The following PDLIM1 variants were observed in gnomAD, a reference collection of about 807,000 sequenced individuals.
PDLIM1 encodes PDZ and LIM domain 1.
Under a neutral mutation model 35.2 loss-of-function variants are expected in PDLIM1, and 25 were observed. That is an observed-to-expected ratio of 0.71 (90% CI 0.52 to 0.99). The LOEUF (loss-of-function observed/expected upper bound fraction) is 0.99, where lower values mean the gene tolerates loss of function less well. Ranked by LOEUF, PDLIM1 falls within the 50% of genes least tolerant of loss-of-function variation. The pLI, the probability that PDLIM1 is intolerant of heterozygous loss-of-function variation, is 0.00. For missense variants in PDLIM1, 363 were observed against 415.3 expected, an observed-to-expected ratio of 0.87 and a Z score of 1.09; for synonymous variants, 152 against 154.0, an observed-to-expected ratio of 0.99 and a Z score of 0.10.
chr10:95,283,101 T>A (rs150191078), intron 1 of PDLIM1, among the ~76,000 whole-genome samples: 28 of 152,334 alleles, frequency 1.8e-4, no homozygotes, highest in African/African-American at 6.5e-4. Context: ...ATTTATCAAA[T>A]GAAATTTATA....
intron 4 of PDLIM1, among the ~76,000 whole-genome samples, chr10:95,255,260 G>C (rs2035300929): frequency 6.9e-6 from 1 of 145,364 alleles, no homozygotes; most frequent in African/African-American, 2.5e-5. Context: ...AAAAACTGAA[G>C]AGAGAATGCT....
At chr10:95,243,400 GA>G (rs911080232) in intron 5 of PDLIM1, among the ~76,000 whole-genome samples, 2 of 151,994 alleles carry the variant, frequency 1.3e-5, no homozygotes, top group African/African-American at 4.8e-5. Context: ...AATATTTCTG[GA>G]AAAAAAGTGA....
At chr10:95,285,754 C>T (rs2035596721) in intron 1 of PDLIM1, among the ~76,000 whole-genome samples, 1 of 152,184 alleles carries the variant, frequency 6.6e-6, no homozygotes, top group South Asian at 2.1e-4. Context: ...TTAAGGTCTC[C>T]AAGCCTCAGT....
At chr10:95,287,291 C>G (rs2035611245) in intron 1 of PDLIM1, among the ~76,000 whole-genome samples, 2 of 152,148 alleles carry the variant, frequency 1.3e-5, no homozygotes, top group African/African-American at 2.4e-5. Context: ...ACAGACAAAC[C>G]CTTCTCTTTC....
intron 4 of PDLIM1, among the ~76,000 whole-genome samples, chr10:95,253,930 A>G (rs1247770504): frequency 4.6e-5 from 7 of 152,222 alleles, no homozygotes; most frequent in Admixed American, 1.3e-4. Context: ...GTAAACTGTG[A>G]TAAGTTATAT....
chr10:95,260,673 C>T (rs1417285494), intron 4 of PDLIM1, among the ~76,000 whole-genome samples: 1 of 152,226 alleles, frequency 6.6e-6, no homozygotes, highest in Non-Finnish European at 1.5e-5. Flanking sequence ...GCAACAGACA[C>T]ACCACAATAC....
At chr10:95,251,059 T>C (rs1460900597) in intron 4 of PDLIM1, among the ~76,000 whole-genome samples, 2 of 151,926 alleles carry the variant, frequency 1.3e-5, no homozygotes, top group African/African-American at 4.8e-5. Flanking sequence ...CTGCAGACCT[T>C]ATGTGTTTCT....
chr10:95,252,050 C>T (rs894098469), intron 4 of PDLIM1, among the ~76,000 whole-genome samples: 2 of 152,180 alleles, frequency 1.3e-5, no homozygotes, highest in African/African-American at 4.8e-5. Context: ...CACTATTCTC[C>T]AGCCAAATGC....
intron 4 of PDLIM1, among the ~76,000 whole-genome samples, chr10:95,258,244 C>T (rs2035333314): frequency 6.6e-6 from 1 of 150,966 alleles, no homozygotes; most frequent in South Asian, 2.1e-4. Flanking sequence ...TCGGCGGGGA[C>T]ACAGACAAAC....
chr10:95,278,017 T>C (rs2035527996), intron 1 of PDLIM1, among the ~76,000 whole-genome samples: 1 of 152,148 alleles, frequency 6.6e-6, no homozygotes, highest in African/African-American at 2.4e-5. Flanking sequence ...CCATGACAAA[T>C]AAAAAGATAA....
intron 4 of PDLIM1, among the ~76,000 whole-genome samples, chr10:95,255,900 T>TACACACACACACACACAC (rs59292355): frequency 6.5e-5 from 9 of 138,880 alleles, no homozygotes; most frequent in Non-Finnish European, 1.1e-4. Context: ...CCCCCCCCAC[T>TACACACACACACACACAC]ACACACACAC....
rs185028301 is a variant in PDLIM1, at chr10:95,270,653, C to A, written c.248+980G>T. Among the ~76,000 whole-genome samples, 233 of 152,316 alleles carry A rather than the reference C, an allele frequency of 1.5e-3. 1 individual carries two copies. Among genetic ancestry groups the A allele is most frequent in the African/African-American group, 5.1e-3 (211 of 41,568 alleles). On this transcript the variant is annotated intron_variant, in intron 2 of 6. Transcript: ENST00000329399. ...CTTGTCATGTACCTAAAGTTACACT[C>A]AGTACTCTGCTGCTAATGTGTTCAA...
In PDLIM1 at chr10:95,273,664, C is replaced by T. The variant is rs562351302; in HGVS notation, c.97-1880G>A. Among the ~76,000 whole-genome samples the T allele has an allele frequency of 6.2e-4, 94 of 152,148 alleles. 1 individual carries two copies. The highest frequency in any genetic ancestry group is 3.2e-4 in the Non-Finnish European group (22 of 68,022). The stretch of plus-strand genomic sequence containing the variant: ...TACCAGAGATCTGGGTTTTAGGAAA[C>T]GAAAGCAGCCTCCTGATTCAAGGTT... On this transcript the variant is annotated intron_variant, in intron 1 of 6. Coordinates refer to ENST00000329399, the MANE Select transcript of PDLIM1 (RefSeq NM_020992.4).
chr10:95,256,039 T>G (rs2035308615), intron 4 of PDLIM1, among the ~76,000 whole-genome samples: 1 of 151,494 alleles, frequency 6.6e-6, no homozygotes, highest in South Asian at 2.1e-4. Context: ...AAAAGAAAAC[T>G]AAGAAAACAA....
At chr10:95,264,222 C>T (rs2296964) in intron 3 of PDLIM1, among the ~76,000 whole-genome samples, 159 bp from the exon 4 acceptor site, 92,060 of 151,762 alleles carry the variant, frequency 0.61, 29,413 homozygotes, top group Non-Finnish European at 0.7. Flanking sequence ...CCCACTGAGA[C>T]ACACGGGCAA....
At chr10:95,262,271 C>A (rs944633726) in intron 4 of PDLIM1, among the ~76,000 whole-genome samples, 7 of 152,112 alleles carry the variant, frequency 4.6e-5, no homozygotes, top group Admixed American at 4.6e-4. Context: ...AATTTAATTA[C>A]CCTAAGAGTT....
chr10:95,238,003 T>C lies in PDLIM1; in HGVS notation c.912A>G (p.Gln304=). Residue 304 remains glutamine (Q), a synonymous_variant, in exon 7 of 7, where the codon CAA becomes CAG. Coordinates refer to ENST00000329399, the MANE Select transcript of PDLIM1 (RefSeq NM_020992.4). ...KQKGHFFVED[Q]IYCEKHARER... ...CCCGGGCATGCTTCTCACAGTAGAT[T>C]TGATCCTCCACAAAGAAATGGCCCT... 1 of 1,614,160 alleles carries C rather than the reference T, an allele frequency of 6.2e-7. No individual in the cohort carries two copies.
intron 3 of PDLIM1, 67 bp downstream of exon 3, chr10:95,268,711 T>C (rs2035436263): frequency 4.1e-6 from 4 of 974,552 alleles, no homozygotes; most frequent in Non-Finnish European, 6.7e-6. Context: ...AGGAATGTGC[T>C]GAGCAGTGTC....
At chr10:95,249,052 C>T (rs1412247136) in intron 4 of PDLIM1, among the ~76,000 whole-genome samples, 1 of 152,256 alleles carries the variant, frequency 6.6e-6, no homozygotes, top group Non-Finnish European at 1.5e-5. Context: ...GGAAAGTAAG[C>T]CCCAGGAGGG....
Sources: allele counts gnomAD v4.1 joint callset (sites outside exome capture counted in the v4.1 genomes callset), GRCh38; gene constraint gnomAD v4.1.1; transcripts MANE v1.5; gene names NCBI Gene and HGNC (gene_info 2026-07-23, HGNC 2026-07-21).